The following DYSF variants were observed in gnomAD, a reference collection of about 807,000 sequenced individuals.
DYSF encodes the protein dystrophy-associated fer-1-like 1.
In DYSF, 212 loss-of-function variants were observed where a neutral mutation model predicts 274.9. The observed-to-expected ratio is 0.77, with a 90% CI of 0.69 to 0.86. The LOEUF (loss-of-function observed/expected upper bound fraction) is 0.86, where lower values mean the gene tolerates loss of function less well. DYSF is among the 40% of genes least tolerant of loss of function. DYSF has a pLI of 0.00. For missense variants in DYSF, 2,666 were observed against 2,783.2 expected (o/e 0.96, Z 0.95); for synonymous variants, 1,091 against 1,078.7 (o/e 1.01, Z -0.22).
rs2095032538 is a variant in DYSF, at chr2:71,667,322, A to G, written c.5318-54A>G. On this transcript the variant is annotated intron_variant, in intron 47 of 55. Coordinates refer to ENST00000410020, the MANE Select transcript of DYSF (RefSeq NM_001130987.2). ...CTCAGCCTGTTCACTGGGCAGCCCCATTATCTCTCGCTTCCCCAGCTCCTG... is the reference window on the plus strand; with the variant it reads ...CTCAGCCTGTTCACTGGGCAGCCCCGTTATCTCTCGCTTCCCCAGCTCCTG... 3.1e-6 allele frequency: 5 copies of G among 1,612,786 alleles called. No individual in the cohort carries two copies. The African/African-American group carries it at 4.0e-5, about 13-fold the overall frequency.
chr2:71,577,460 C>T (rs1427292716), intron 30 of DYSF, among the ~76,000 whole-genome samples: 1 of 151,490 alleles, frequency 6.6e-6, no homozygotes, highest in Non-Finnish European at 1.5e-5. Flanking sequence ...TCACACACAC[C>T]AACACACTCT....
intron 4 of DYSF, among the ~76,000 whole-genome samples, chr2:71,510,743 G>A (rs1404080422): frequency 6.6e-6 from 1 of 152,194 alleles, no homozygotes; most frequent in East Asian, 1.9e-4. Context: ...CCACTCAGAG[G>A]GACATTATGC....
At position 71,461,210 on chromosome 2, in the gene DYSF, G is replaced by A. The variant is rs537459099; in HGVS notation, c.88+7124G>A. On this transcript the variant is annotated intron_variant, in intron 1 of 54. Transcript: ENST00000258104. ...AGCTAGACACGAAACGGGTGATTAC[G>A]CTAATAGTTATTCCTGACCATTGTG... Among the ~76,000 whole-genome samples the A allele has an allele frequency of 2.6e-5, 4 of 152,276 alleles. No homozygotes were observed. The South Asian group carries it at 8.3e-4, about 32-fold the overall frequency.
chr2:71,603,364 T>C (rs528664397), intron 36 of DYSF, among the ~76,000 whole-genome samples: 1 of 152,262 alleles, frequency 6.6e-6, no homozygotes, highest in Admixed American at 6.5e-5. Flanking sequence ...GGAGGAGAGA[T>C]GCACGTTCCC....
At chr2:71,491,075 G>A (rs1182502586) in intron 3 of DYSF, among the ~76,000 whole-genome samples, 1 of 152,060 alleles carries the variant, frequency 6.6e-6, no homozygotes, top group African/African-American at 2.4e-5. Flanking sequence ...CACCAACAAT[G>A]CAATAAAGTG....
At chr2:71,637,140 G>A (rs1440363642) in intron 41 of DYSF, among the ~76,000 whole-genome samples, 1 of 152,222 alleles carries the variant, frequency 6.6e-6, no homozygotes, top group African/African-American at 2.4e-5. Context: ...GAACGTGTGG[G>A]CAGAGAGAGA....
At chr2:71,493,021 A>G (rs889139740) in intron 3 of DYSF, among the ~76,000 whole-genome samples, 1 of 151,796 alleles carries the variant, frequency 6.6e-6, no homozygotes, top group Non-Finnish European at 1.5e-5. Flanking sequence ...AGCTGGGACC[A>G]CAGGCACAAG....
chr2:71,480,918 G>T lies in DYSF; in HGVS notation c.127G>T (p.Val43Leu). ...KKRTKVIKNSVNPVWNEGFEW... is the reference protein window; with the variant it reads ...KKRTKVIKNSLNPVWNEGFEW... ...GAGAACCAAAGTCATCAAGAACAGC[G>T]TGAACCCTGTATGGAATGAGGTATG... The change falls in exon 2 of 56, where the codon GTG (valine) becomes TTG (leucine). Residue 43 changes from valine to leucine, a missense_variant. Physicochemically the swap from Val to Leu is conservative, Grantham distance 32 (BLOSUM62 1). Around this residue, in one of 3 missense-constraint regions of DYSF, gnomAD observed 794 missense variants for 777.1 expected, o/e 1.02. Coordinates refer to ENST00000410020, the MANE Select transcript of DYSF (RefSeq NM_001130987.2). 1.2e-6 allele frequency: 2 copies of T among 1,614,146 alleles called. No individual in the cohort carries two copies. The highest frequency in any genetic ancestry group is 1.7e-6 in the Non-Finnish European group (2 of 1,179,968).
intron 16 of DYSF, among the ~76,000 whole-genome samples, chr2:71,537,228 T>TTTTTG (rs1553536570): frequency 2.8e-5 from 1 of 36,264 alleles, no homozygotes; most frequent in African/African-American, 7.6e-5. Flanking sequence ...GTTTTGTTTT[T>TTTTTG]TTTTTTTTTT....
chr2:71,628,839 C>T (rs1342844519), intron 41 of DYSF, among the ~76,000 whole-genome samples: 1 of 151,962 alleles, frequency 6.6e-6, no homozygotes, highest in African/African-American at 2.4e-5. Flanking sequence ...GTAGTCCCAG[C>T]TACTCAAGAA....
exon 1 of DYSF, chr2:71,453,683 A>G (rs1278932101): frequency 7.0e-6 from 3 of 427,418 alleles, no homozygotes; most frequent in African/African-American, 2.0e-5. Flanking sequence ...CAGCCGGAGC[A>G]TTAGATTACA....
At chr2:71,622,252 A>G (rs750497626) in intron 41 of DYSF, among the ~76,000 whole-genome samples, 1 of 149,334 alleles carries the variant, frequency 6.7e-6, no homozygotes, top group Admixed American at 6.8e-5. Context: ...TTTCCTCATG[A>G]CTTTGTCGAA....
chr2:71,584,747 G>C (rs1312377571), intron 30 of DYSF, among the ~76,000 whole-genome samples: 1 of 152,220 alleles, frequency 6.6e-6, no homozygotes, highest in East Asian at 1.9e-4. Flanking sequence ...CAGGGGAGAA[G>C]CTGGGAGAGG....
chr2:71,537,321 A>AC (rs1164992540), intron 16 of DYSF, among the ~76,000 whole-genome samples: 9 of 135,460 alleles, frequency 6.6e-5, no homozygotes, highest in Non-Finnish European at 1.1e-4. Flanking sequence ...ATCTTGGCTC[A>AC]TGCAACCTCT....
rs140881906 is a variant in DYSF, at chr2:71,473,885, G to A, written c.91+6952G>A. On this transcript the variant is annotated intron_variant, in intron 1 of 55. Coordinates refer to ENST00000410020, the MANE Select transcript of DYSF (RefSeq NM_001130987.2). ...TAACTCCCTATTCCCCTCCCTCACC[G>A]CCCCTGGTAATTGCAGTTCTACTTT... Among the ~76,000 whole-genome samples the A allele has an allele frequency of 6.9e-5, 10 of 145,356 alleles. No individual in the cohort carries two copies. The East Asian group carries it at 9.9e-4, about 14-fold the overall frequency.
chr2:71,461,725 G>A (rs1056116411), upstream of DYSF, among the ~76,000 whole-genome samples: 2 of 152,202 alleles, frequency 1.3e-5, no homozygotes. Context: ...AGAGGGTGGT[G>A]GTAAGACTTG....
chr2:71,517,542 G>A (rs1336411258), intron 10 of DYSF, among the ~76,000 whole-genome samples: 1 of 152,048 alleles, frequency 6.6e-6, no homozygotes, highest in Non-Finnish European at 1.5e-5. Flanking sequence ...AAGTCACCTG[G>A]TAATCGGGGT....
At chr2:71,680,644 A>G (rs983177285) in intron 53 of DYSF, among the ~76,000 whole-genome samples, 1 of 152,228 alleles carries the variant, frequency 6.6e-6, no homozygotes, top group African/African-American at 2.4e-5. Context: ...ACCGAACTTT[A>G]AAGAATAGAC....
At chr2:71,626,609 T>C (rs2152903314) in intron 41 of DYSF, among the ~76,000 whole-genome samples, 1 of 152,046 alleles carries the variant, frequency 6.6e-6, no homozygotes, top group Non-Finnish European at 1.5e-5. Context: ...TTTTTCTGCA[T>C]TGCTGGGCTC....
Sources: gnomAD v4.1 joint callset for allele counts (sites outside exome capture counted in the v4.1 genomes callset) on GRCh38, gnomAD v4.1.1 for gene constraint, gnomAD v4.1.1 regional missense constraint, MANE v1.5 for transcripts, NCBI Gene and HGNC (gene_info 2026-07-23, HGNC 2026-07-21) for gene names.